LRMDA: variants seen among roughly 807,000 people sequenced by gnomAD.
LRMDA encodes the protein leucine-rich melanocyte differentiation-associated protein.
A neutral mutation model predicts 29.8 loss-of-function variants in LRMDA; 18 were observed. The observed-to-expected ratio is 0.60, with a 90% CI of 0.42 to 0.90. The LOEUF (loss-of-function observed/expected upper bound fraction) is 0.90. LRMDA is among the 40% of genes least tolerant of loss of function. The pLI is 0.00. For synonymous variants in LRMDA, 125 were observed against 109.4 expected (o/e 1.14, Z -0.89); for missense variants, 273 against 273.9 (o/e 1.00, Z 0.02).
chr10:76,379,534 C>T (rs546015458), intron 6 of LRMDA, among the ~76,000 whole-genome samples: 65 of 151,922 alleles, frequency 4.3e-4, no homozygotes, highest in Non-Finnish European at 7.9e-4. Context: ...CTTTTATGAG[C>T]TTTTGTATTT....
At chr10:76,151,757 A>G (rs1262219157) in intron 5 of LRMDA, among the ~76,000 whole-genome samples, 3 of 152,200 alleles carry the variant, frequency 2.0e-5, no homozygotes, top group African/African-American at 7.2e-5. Context: ...ATTATACACA[A>G]CATCCTAACT....
chr10:75,967,743 C>G lies in LRMDA; in HGVS notation c.132-68265C>G, dbSNP rs576902041. On this transcript the variant is annotated intron_variant, in intron 2 of 6. Coordinates refer to ENST00000611255, the MANE Select transcript of LRMDA (RefSeq NM_001305581.2). ...GCACAGAACCGGCAAGGTCAGGACA[C>G]AGAGCTGGGAGAGGAGGGAGGCGGC... 2.0e-5 allele frequency among the ~76,000 whole-genome samples: 3 copies of G among 150,842 alleles called. No individual in the cohort carries two copies. The Admixed American group carries it at 2.0e-4, about 10-fold the overall frequency.
At chr10:75,896,643 A>G (rs1281849669) in intron 2 of LRMDA, among the ~76,000 whole-genome samples, 1 of 152,190 alleles carries the variant, frequency 6.6e-6, no homozygotes, top group East Asian at 1.9e-4. Context: ...ATTTGATGTG[A>G]TATGTGGGTG....
chr10:76,221,866 C>T (rs529219001), intron 5 of LRMDA, among the ~76,000 whole-genome samples: 1 of 152,074 alleles, frequency 6.6e-6, no homozygotes, highest in Non-Finnish European at 1.5e-5. Context: ...TGACTTCAAA[C>T]TATACTACAA....
At chr10:76,361,166 C>G (rs1841306740) in intron 6 of LRMDA, among the ~76,000 whole-genome samples, 1 of 151,860 alleles carries the variant, frequency 6.6e-6, no homozygotes, top group African/African-American at 2.4e-5. Context: ...GAGGCTGAGG[C>G]AGGAGAGCTG....
At chr10:75,853,948 T>G (rs1051148520) in intron 2 of LRMDA, among the ~76,000 whole-genome samples, 5 of 152,142 alleles carry the variant, frequency 3.3e-5, no homozygotes, top group Admixed American at 1.3e-4. Flanking sequence ...CTTCTGGAAG[T>G]CCAGGAGGGC....
At chr10:76,470,525 A>T (rs555723986) in intron 6 of LRMDA, 17 of 152,046 alleles carry the variant, frequency 1.1e-4, no homozygotes, top group Non-Finnish European at 1.9e-4. Context: ...AATGGATAAA[A>T]AATGTTGGAT....
chr10:76,102,010 TATAG>T (rs1437258329), intron 5 of LRMDA, among the ~76,000 whole-genome samples: 3 of 152,218 alleles, frequency 2.0e-5, no homozygotes, highest in Non-Finnish European at 4.4e-5. Flanking sequence ...ATATATTTCT[TATAG>T]AGTCTTACAA....
intron 2 of LRMDA, among the ~76,000 whole-genome samples, chr10:75,933,146 G>A (rs1214737320): frequency 6.6e-6 from 1 of 151,992 alleles, no homozygotes; most frequent in African/African-American, 2.4e-5. Flanking sequence ...AGGAAGTTGT[G>A]GACAGGAACC....
At chr10:76,061,919 A>G (rs577335564) in intron 5 of LRMDA, among the ~76,000 whole-genome samples, 106 of 152,306 alleles carry the variant, frequency 7.0e-4, no homozygotes, top group African/African-American at 2.4e-3. Flanking sequence ...AAAGACGCCA[A>G]ATGAGCTCCT....
chr10:76,528,038 T>G (rs1843196496), intron 6 of LRMDA, among the ~76,000 whole-genome samples: 1 of 152,176 alleles, frequency 6.6e-6, no homozygotes, highest in African/African-American at 2.4e-5. Context: ...TTCCACTTAT[T>G]AAACTAGCAA....
At chr10:76,032,003 A>C (rs996890822) in intron 2 of LRMDA, among the ~76,000 whole-genome samples, 7 of 152,216 alleles carry the variant, frequency 4.6e-5, no homozygotes, top group African/African-American at 1.7e-4. Context: ...CCTAGATCCA[A>C]GGATTGATCC....
chr10:75,984,695 T>C (rs149266862), intron 2 of LRMDA, among the ~76,000 whole-genome samples: 20 of 152,324 alleles, frequency 1.3e-4, no homozygotes, highest in African/African-American at 4.3e-4. Context: ...TGCCCTTTCA[T>C]TGGCAATGCT....
At chr10:75,798,536 T>C (rs1843693604) in intron 2 of LRMDA, among the ~76,000 whole-genome samples, 1 of 152,102 alleles carries the variant, frequency 6.6e-6, no homozygotes, top group African/African-American at 2.4e-5. Flanking sequence ...GCTATTTTTC[T>C]AGCTTGTTAA....
chr10:76,182,600 G>C (rs1851069746), intron 5 of LRMDA, among the ~76,000 whole-genome samples: 1 of 152,090 alleles, frequency 6.6e-6, no homozygotes, highest in South Asian at 2.1e-4. Context: ...TCCTGATTTT[G>C]AGTTCTCTTA....
intron 6 of LRMDA, among the ~76,000 whole-genome samples, chr10:76,424,716 A>C (rs1842106158): frequency 6.6e-6 from 1 of 152,248 alleles, no homozygotes; most frequent in African/African-American, 2.4e-5. Flanking sequence ...ATTGCAGCTC[A>C]GAAGGCAAAG....
At chr10:76,381,029 T>G (rs1225620139) in intron 6 of LRMDA, among the ~76,000 whole-genome samples, 4 of 43,588 alleles carry the variant, frequency 9.2e-5, no homozygotes, top group African/African-American at 3.8e-4. Flanking sequence ...TGCTTTTTTT[T>G]TTTTTTTTTT....
intron 2 of LRMDA, among the ~76,000 whole-genome samples, chr10:75,932,876 G>A (rs1455161585): frequency 1.3e-5 from 2 of 152,002 alleles, no homozygotes; most frequent in Admixed American, 6.6e-5. Context: ...AGATTGTTAG[G>A]GATAATGTCA....
At chr10:76,066,419 A>G (rs1315905530) in intron 5 of LRMDA, among the ~76,000 whole-genome samples, 1 of 152,216 alleles carries the variant, frequency 6.6e-6, no homozygotes, top group Non-Finnish European at 1.5e-5. Flanking sequence ...GATCAGATAA[A>G]TTATATACAT....
Sources: gnomAD v4.1 joint callset for allele counts (sites outside exome capture counted in the v4.1 genomes callset) on GRCh38, gnomAD v4.1.1 for gene constraint, MANE v1.5 for transcripts, NCBI Gene and HGNC (gene_info 2026-07-23, HGNC 2026-07-21) for gene names.